Variants in AKAP8 observed in about 807,000 individuals in gnomAD.
AKAP8 encodes the protein A-kinase anchor protein 8.
A neutral mutation model predicts 67.5 loss-of-function variants in AKAP8; 24 were observed. The observed-to-expected ratio is 0.36, with a 90% CI of 0.26 to 0.50. The LOEUF (loss-of-function observed/expected upper bound fraction) is 0.50. Ranked by LOEUF, AKAP8 falls within the 20% of genes least tolerant of loss-of-function variation. The pLI is 0.97. For synonymous variants in AKAP8, 400 were observed against 371.1 expected (o/e 1.08, Z -0.90); for missense variants, 971 against 955.9 (o/e 1.02, Z -0.21).
intron 9 of AKAP8, among the ~76,000 whole-genome samples, chr19:15,363,579 G>C (rs1008263538): frequency 7.3e-5 from 11 of 151,320 alleles, no homozygotes; most frequent in African/African-American, 2.7e-4. Flanking sequence ...TCCAGGAGGT[G>C]AGGGGCGCCT....
In AKAP8 at chr19:15,354,675, G is replaced by C. The variant is rs1287316538; in HGVS notation, c.*240C>G. The C allele has an allele frequency of 1.8e-6, 1 of 561,926 alleles. No homozygotes were observed. The highest frequency in any genetic ancestry group is 3.2e-6 in the Non-Finnish European group (1 of 315,982). 34.8% of individuals were successfully genotyped at this position (561,926 alleles called of 1,614,324 possible). A position where few individuals can be genotyped will look rare whatever the true frequency, so the allele number is the denominator to read the frequency against. On this transcript the variant is annotated 3_prime_UTR_variant, in exon 14 of 14. Transcript: ENST00000269701. ...ATTATTCCAAGTGCACTACTGTCAA[G>C]AGACATGTTACAGCCGCTAAGGACA... is the stretch of plus-strand genomic sequence containing the variant.
intron 2 of AKAP8, among the ~76,000 whole-genome samples, chr19:15,375,323 C>G (rs1053474450): frequency 1.3e-5 from 2 of 152,248 alleles, no homozygotes; most frequent in Admixed American, 1.3e-4. Flanking sequence ...ACCCAGCCCA[C>G]TTCCCGCCTT....
chr19:15,370,612 A>G (rs1402023704), intron 7 of AKAP8, among the ~76,000 whole-genome samples: 1 of 115,770 alleles, frequency 8.6e-6, no homozygotes, highest in Non-Finnish European at 1.8e-5. Context: ...TTTTGTTTAT[A>G]TTTACCCAAT....
intron 13 of AKAP8, among the ~76,000 whole-genome samples, chr19:15,357,395 C>T (rs1434321864): frequency 2.2e-5 from 3 of 137,252 alleles, no homozygotes; most frequent in Non-Finnish European, 4.6e-5. Context: ...CACCACTGCA[C>T]TCCAGCCTGG....
chr19:15,376,626 T>C (rs553607653), intron 2 of AKAP8, among the ~76,000 whole-genome samples: 42 of 152,316 alleles, frequency 2.8e-4, no homozygotes, highest in Admixed American at 1.6e-3. Context: ...CTGGTAATTA[T>C]AGAGAAAAAA....
At position 15,371,938 on chromosome 19, in the gene AKAP8, C is replaced by T; in HGVS notation, c.1038+14G>A. 1 of 1,613,862 alleles carries T rather than the reference C, an allele frequency of 6.2e-7. No individual in the cohort carries two copies. Among genetic ancestry groups the T allele is most frequent in the Non-Finnish European group, 8.5e-7 (1 of 1,179,920 alleles). On this transcript the variant is annotated intron_variant, in intron 7 of 13. Coordinates refer to ENST00000269701, the MANE Select transcript of AKAP8 (RefSeq NM_005858.4). Reference sequence around the variant, plus strand: ...TCCCACACTAGAGGCAAAAGGGCTGCCTGGTGGACTTACACCCTTGAATTC... The same window carrying T: ...TCCCACACTAGAGGCAAAAGGGCTGTCTGGTGGACTTACACCCTTGAATTC...
intron 7 of AKAP8, among the ~76,000 whole-genome samples, 162 bp from the exon 8 acceptor site, chr19:15,370,341 C>T (rs1464831071): frequency 6.6e-6 from 1 of 152,158 alleles, no homozygotes; most frequent in African/African-American, 2.4e-5. Flanking sequence ...GCCTCCGGGG[C>T]TCAGGACAGG....
At chr19:15,360,426 A>G (rs578113322) in intron 12 of AKAP8, among the ~76,000 whole-genome samples, 1 of 152,300 alleles carries the variant, frequency 6.6e-6, no homozygotes, top group Non-Finnish European at 1.5e-5. Context: ...TCTTTACAAA[A>G]TAAGGTATTT....
intron 5 of AKAP8, 94 bp downstream of exon 5, chr19:15,372,757 A>G (rs1967181368): frequency 2.1e-6 from 3 of 1,413,266 alleles, no homozygotes; most frequent in Middle Eastern, 3.7e-4. Flanking sequence ...ACTTAAAAAC[A>G]TTTAAGTGAA....
intron 9 of AKAP8, among the ~76,000 whole-genome samples, chr19:15,362,950 G>A (rs569775929): frequency 6.6e-6 from 1 of 151,872 alleles, no homozygotes; most frequent in African/African-American, 2.4e-5. Flanking sequence ...TCTGGGAAGT[G>A]AGGAGCGTCT....
At chr19:15,375,018 A>G (rs8106751) in intron 2 of AKAP8, among the ~76,000 whole-genome samples, 121,446 of 152,208 alleles carry the variant, frequency 0.8, 48,724 homozygotes, top group East Asian at 0.99. Context: ...TGCACAGCGA[A>G]GCATTGGTGC....
rs755547911 is a variant in AKAP8, at chr19:15,362,156, C to T, written c.1256G>A (p.Arg419Gln). The T allele has an allele frequency of 2.2e-5, 35 of 1,613,982 alleles. No homozygotes were observed. Among genetic ancestry groups the T allele is most frequent in the South Asian group, 3.3e-5 (3 of 91,084 alleles). Residue 419 changes from arginine (R) to glutamine (Q), a missense_variant, in exon 10 of 14, where the codon CGG (arginine) becomes CAG (glutamine). By Grantham distance (43) the Arg-to-Gln change is conservative (BLOSUM62 1). This residue lies in a region of AKAP8 where 763 missense variants were observed against 745.4 expected (regional missense o/e 1.02). Transcript: ENST00000269701. The part of the protein sequence containing the change: ...LQSKFHKETL[R>Q]FISTKLPDKT... ...GTCGGGCAGCTTGGTGCTTATGAAC[C>T]GCAGGGTCTCTTTGTGAAATTTGCT...
Position 15,354,583 on chromosome 19 carries a change from G to C in AKAP8, c.*332C>G, listed in dbSNP as rs2048264807. 1 of 276,538 alleles carries C rather than the reference G, an allele frequency of 3.6e-6. No homozygotes were observed. Among genetic ancestry groups the C allele is most frequent in the Admixed American group, 4.7e-5 (1 of 21,190 alleles). 17.1% of individuals were successfully genotyped at this position (276,538 alleles called of 1,614,324 possible). The stretch of plus-strand genomic sequence containing the variant: ...AAAAATTAAGGAAAAAAATAAAAAA[G>C]GAAGCATTCCATCAGTGGCTGTATT... On this transcript the variant is annotated 3_prime_UTR_variant, in exon 14 of 14. Transcript: ENST00000269701.
intron 12 of AKAP8, among the ~76,000 whole-genome samples, chr19:15,360,430 G>A (rs537991927): frequency 2.6e-5 from 4 of 152,148 alleles, no homozygotes; most frequent in Non-Finnish European, 1.5e-5. Flanking sequence ...TACAAAATAA[G>A]GTATTTTTCC....
Position 15,359,000 on chromosome 19 carries a change from T to C in AKAP8, c.1590A>G (p.Arg530=), listed in dbSNP as rs1209122148. 4 of 1,614,108 alleles carry C rather than the reference T, an allele frequency of 2.5e-6. No homozygotes were observed. Among genetic ancestry groups the C allele is most frequent in the Non-Finnish European group, 3.4e-6 (4 of 1,180,050 alleles). ...LHVAKSVLNN[R]HIVKMLEKYL... Reference sequence around the variant, plus strand: ...ATTTTTCCAGCATCTTCACTATATGTCTGTTGTTCAAAACACTCTTAGCCA... The same window carrying C: ...ATTTTTCCAGCATCTTCACTATATGCCTGTTGTTCAAAACACTCTTAGCCA... The change falls in exon 13 of 14, where the codon AGA becomes AGG. Residue 530 remains arginine, a synonymous_variant. Coordinates refer to ENST00000269701, the MANE Select transcript of AKAP8 (RefSeq NM_005858.4).
At position 15,369,908 on chromosome 19, in the gene AKAP8, C is replaced by A. The variant is rs1047319287; in HGVS notation, c.1072+238G>T. ...CACCCAAGGCTGCCCCCCATCCCCA[C>A]TGCAGCCCACATCGGGTCAGGCAGA... is the stretch of plus-strand genomic sequence containing the variant. On this transcript the variant is annotated intron_variant, in intron 8 of 13. Coordinates refer to ENST00000269701, the MANE Select transcript of AKAP8 (RefSeq NM_005858.4). The surrounding 1 kb of genome is among the most constrained non-coding windows in gnomAD (Gnocchi z 4.6). 6.6e-6 allele frequency among the ~76,000 whole-genome samples: 1 copy of A among 152,256 alleles called. No homozygotes were observed. Among genetic ancestry groups the A allele is most frequent in the African/African-American group, 2.4e-5 (1 of 41,464 alleles).
rs550750742 is a variant in AKAP8 at position 15,379,631 on chromosome 19, G to C, written c.19+82C>G. The C allele has an allele frequency of 7.6e-5, 115 of 1,505,732 alleles. 1 individual carries two copies. In the South Asian group the frequency reaches 1.2e-3, roughly 16 times the overall value. 93.3% of individuals were successfully genotyped at this position (1,505,732 alleles called of 1,614,324 possible). On this transcript the variant is annotated intron_variant, in intron 1 of 13. Coordinates refer to ENST00000269701, the MANE Select transcript of AKAP8 (RefSeq NM_005858.4). ...GCAACCACGCTCGGGACGAAGGCCCGGCCGGCGGCAGTCTGCGCAGCGGCT... is the reference window on the plus strand; with the variant it reads ...GCAACCACGCTCGGGACGAAGGCCCCGCCGGCGGCAGTCTGCGCAGCGGCT...
chr19:15,357,577 GGGT>G (rs1966901102), intron 13 of AKAP8, among the ~76,000 whole-genome samples: 1 of 151,586 alleles, frequency 6.6e-6, no homozygotes, highest in African/African-American at 2.4e-5. Flanking sequence ...TCTCTTGGCT[GGGT>G]ACCAAGAGAA....
intron 7 of AKAP8, among the ~76,000 whole-genome samples, chr19:15,370,585 C>T (rs1967138253): frequency 6.6e-6 from 1 of 151,838 alleles, no homozygotes; most frequent in South Asian, 2.1e-4. Flanking sequence ...AAATGGGTTC[C>T]ACCACGTTTC....
Sources: gnomAD v4.1 joint callset for allele counts (sites outside exome capture counted in the v4.1 genomes callset) on GRCh38, gnomAD v4.1.1 for gene constraint, gnomAD v4.1.1 regional missense constraint, Gnocchi (gnomAD v3.1) non-coding constraint, MANE v1.5 for transcripts, NCBI Gene and HGNC (gene_info 2026-07-23, HGNC 2026-07-21) for gene names.